SCN7A: variants seen among roughly 807,000 people sequenced by gnomAD.
SCN7A encodes sodium voltage-gated channel alpha subunit 7.
A neutral mutation model predicts 155.2 loss-of-function variants in SCN7A; 138 were observed. That is an observed-to-expected ratio of 0.89 (90% CI 0.77 to 1.02). The LOEUF (loss-of-function observed/expected upper bound fraction) is 1.02, where lower values mean the gene tolerates loss of function less well. Ranked by LOEUF, SCN7A falls within the 50% of genes least tolerant of loss-of-function variation. The pLI is 0.00. For synonymous variants in SCN7A, 693 were observed against 649.0 expected (o/e 1.07, Z -1.03); for missense variants, 2,058 against 1,986.6 (o/e 1.04, Z -0.68).
intron 15 of SCN7A, among the ~76,000 whole-genome samples, chr2:166,439,584 T>G (rs796530233): frequency 6.6e-6 from 1 of 152,204 alleles, no homozygotes; most frequent in Non-Finnish European, 1.5e-5. Flanking sequence ...GATCTATCTC[T>G]GATATTTTGA....
intron 15 of SCN7A, chr2:166,436,554 A>C (rs573228452): frequency 5.0e-6 from 1 of 201,064 alleles, no homozygotes; most frequent in East Asian, 1.6e-4. Context: ...ACTGCAGAGA[A>C]TGGGGCACTG....
chr2:166,486,772 A>G (rs1243350564), intron 2 of SCN7A, 84 bp downstream of exon 2: 1 of 152,256 alleles, frequency 6.6e-6, no homozygotes, highest in Non-Finnish European at 1.5e-5. Flanking sequence ...CAGACACATC[A>G]TTACATTTTC....
Position 166,406,025 on chromosome 2 carries a change from G to A in SCN7A, c.4604C>T (p.Ser1535Phe), listed in dbSNP as rs752678953. 1.2e-6 allele frequency: 2 copies of A among 1,612,964 alleles called. No homozygotes were observed. Among genetic ancestry groups the A allele is most frequent in the South Asian group, 1.1e-5 (1 of 91,032 alleles). The stretch of plus-strand genomic sequence containing the variant: ...AGCTGCAAAATCTGAAAGCTTGCTA[G>A]AGTCTATGTACTGGGTCCTATCAGG... ...FDPDRTQYID[S>F]SKLSDFAAAL... The change falls in exon 26 of 26, where the codon TCT (serine) becomes TTT (phenylalanine). Residue 1535 changes from serine (S) to phenylalanine (F), a missense_variant. Coordinates refer to ENST00000643258, the MANE Select transcript of SCN7A (RefSeq NM_002976.4).
intron 21 of SCN7A, chr2:166,414,384 C>T (rs1019533440): frequency 5.4e-5 from 7 of 129,726 alleles, no homozygotes; most frequent in African/African-American, 8.8e-5. Flanking sequence ...GATACTAGCC[C>T]AAACTATTTT....
At position 166,441,674 on chromosome 2, in the gene SCN7A, G is replaced by C; in HGVS notation, c.1879C>G (p.Leu627Val). Residue 627 changes from leucine (L) to valine (V), a missense_variant, in exon 15 of 26, where the codon CTG becomes GTG. Transcript: ENST00000643258. ...MWSLSNSWVA[L>V]KDLVLLLFTF... is the part of the protein sequence containing the mutation. ...AACAACAACAGGACCAAGTCTTTCAGGGCCACCCATGAGTTACTAAGAGAC... is the reference window on the plus strand; with the variant it reads ...AACAACAACAGGACCAAGTCTTTCACGGCCACCCATGAGTTACTAAGAGAC... The C allele has an allele frequency of 6.2e-7, 1 of 1,613,806 alleles. No individual in the cohort carries two copies. The highest frequency in any genetic ancestry group is 8.5e-7 in the Non-Finnish European group (1 of 1,179,762).
intron 2 of SCN7A, among the ~76,000 whole-genome samples, chr2:166,482,445 T>C (rs183249329): frequency 8.2e-4 from 124 of 152,096 alleles, no homozygotes; most frequent in African/African-American, 2.8e-3. Context: ...GAAAATAATC[T>C]TGGACTCTTC....
At chr2:166,415,154 T>G (rs988065337) in intron 21 of SCN7A, among the ~76,000 whole-genome samples, 2 of 149,570 alleles carry the variant, frequency 1.3e-5, no homozygotes, top group African/African-American at 4.9e-5. Context: ...CTGTATTTCC[T>G]CTGTTAAATT....
rs560895142 is a variant in SCN7A at position 166,486,981 on chromosome 2, A to G, written c.-127-13T>C. The G allele has an allele frequency of 5.5e-4, 84 of 152,352 alleles. No individual in the cohort carries two copies. Among genetic ancestry groups the G allele is most frequent in the African/African-American group, 1.8e-3 (75 of 41,572 alleles). The allele number at this position is 152,352 out of a possible 1,614,324, so 9.4% of individuals were successfully genotyped here. A position where few individuals can be genotyped will look rare whatever the true frequency, so the allele number is the denominator to read the frequency against. On this transcript the variant is annotated splice_polypyrimidine_tract_variant and intron_variant, in intron 1 of 25. Transcript: ENST00000643258. ...CATGGTGGAGGACCTGTTGCAAAACAGTTCTAAAGCTTGAAATCAGACAAA... is the reference window on the plus strand; with the variant it reads ...CATGGTGGAGGACCTGTTGCAAAACGGTTCTAAAGCTTGAAATCAGACAAA...
rs181350569 is a variant in SCN7A at position 166,457,917 on chromosome 2, T to C, written c.1084-841A>G. Among the ~76,000 whole-genome samples, 304 of 152,262 alleles carry C rather than the reference T, an allele frequency of 2.0e-3. 5 individuals carry two copies. Among genetic ancestry groups the C allele is most frequent in the Non-Finnish European group, 5.0e-4 (34 of 68,004 alleles). ...AGAAAAGTATTATCTACAGAAAATA[T>C]TGTGTGGATGTAACAATCAAGAATA... On this transcript the variant is annotated intron_variant, in intron 10 of 25. Transcript: ENST00000643258.
At position 166,421,678 on chromosome 2, in the gene SCN7A, A is replaced by G. The variant is rs187719853; in HGVS notation, c.3028-381T>C. Among the ~76,000 whole-genome samples the G allele has an allele frequency of 2.2e-3, 339 of 152,144 alleles. 4 individuals are homozygous for G. Among genetic ancestry groups the G allele is most frequent in the Middle Eastern group, 6.9e-3 (2 of 288 alleles). ...AATCATATGCAGTATATTCATTAAA[A>G]CAAAATAAGAAATATAGTTACACAT... On this transcript the variant is annotated intron_variant, in intron 19 of 25. Transcript: ENST00000643258.
At chr2:166,415,916 T>G (rs1267848879) in intron 21 of SCN7A, among the ~76,000 whole-genome samples, 1 of 152,134 alleles carries the variant, frequency 6.6e-6, no homozygotes, top group Admixed American at 6.6e-5. Context: ...AAGAGCCATA[T>G]TTTTCTTCTT....
intron 15 of SCN7A, among the ~76,000 whole-genome samples, chr2:166,437,272 G>A (rs555455808): frequency 2.6e-4 from 39 of 152,310 alleles, no homozygotes; most frequent in African/African-American, 7.5e-4. Flanking sequence ...CCATCACTTC[G>A]GAGTGTGCAA....
chr2:166,449,189 AAC>A (rs145954284), intron 11 of SCN7A, among the ~76,000 whole-genome samples: 5,483 of 152,250 alleles, frequency 0.036, 110 homozygotes, highest in Non-Finnish European at 0.04. Context: ...TCAGATGTAA[AAC>A]AGTATTTGAA....
intron 7 of SCN7A, among the ~76,000 whole-genome samples, chr2:166,467,500 TACAC>T (rs533548551): frequency 6.7e-6 from 1 of 148,202 alleles, no homozygotes; most frequent in Admixed American, 6.8e-5. Flanking sequence ...TATATATATA[TACAC>T]ACACACACAC....
intron 3 of SCN7A, among the ~76,000 whole-genome samples, chr2:166,476,574 C>A (rs892173225): frequency 1.6e-4 from 25 of 151,960 alleles, no homozygotes; most frequent in African/African-American, 5.8e-4. Context: ...TGTGTTATTT[C>A]ATCTTTCTAG....
At chr2:166,443,425 A>T in intron 14 of SCN7A, 78 bp downstream of exon 14, 1 of 1,222,718 alleles carries the variant, frequency 8.2e-7, no homozygotes, top group Non-Finnish European at 1.1e-6. Context: ...GATAGGTATT[A>T]CTGTAACCCC....
chr2:166,412,147 C>G (rs1486928096), intron 23 of SCN7A, among the ~76,000 whole-genome samples: 1 of 152,044 alleles, frequency 6.6e-6, no homozygotes, highest in African/African-American at 2.4e-5. Context: ...GATGTCCATG[C>G]TGGCTGACTG....
intron 7 of SCN7A, among the ~76,000 whole-genome samples, 154 bp from the exon 8 acceptor site, chr2:166,466,141 T>C (rs2105486669): frequency 6.6e-6 from 1 of 152,338 alleles, no homozygotes; most frequent in Non-Finnish European, 1.5e-5. Flanking sequence ...ATAAAGTGAA[T>C]ACTAAATCAA....
intron 11 of SCN7A, among the ~76,000 whole-genome samples, chr2:166,452,584 T>C (rs1295926828): frequency 1.3e-5 from 2 of 152,204 alleles, no homozygotes; most frequent in Non-Finnish European, 2.9e-5. Context: ...ACTATCATTT[T>C]AATGTGGCAA....
Sources: allele counts gnomAD v4.1 joint callset (sites outside exome capture counted in the v4.1 genomes callset), GRCh38; gene constraint gnomAD v4.1.1; transcripts MANE v1.5; gene names NCBI Gene and HGNC (gene_info 2026-07-23, HGNC 2026-07-21).